Variants in BORCS7 observed in about 807,000 individuals in gnomAD.
BORCS7 encodes the protein BLOC-1-related complex subunit 7.
Under a neutral mutation model 17.5 loss-of-function variants are expected in BORCS7, and 20 were observed. The ratio of observed to expected loss-of-function variants is 1.14; its 90% CI spans 0.80 to 1.66. BORCS7 has a LOEUF of 1.66. Ranked by LOEUF, BORCS7 falls within the 40% of genes most tolerant of loss-of-function variation. The pLI is 0.00. For missense variants in BORCS7, 122 were observed against 129.7 expected (o/e 0.94, Z 0.29); for synonymous variants, 57 against 49.8 (o/e 1.14, Z -0.61).
intron 3 of BORCS7, 105 bp downstream of exon 3, chr10:102,860,646 G>A: frequency 2.4e-6 from 3 of 1,251,912 alleles, no homozygotes; most frequent in South Asian, 1.2e-5. Flanking sequence ...CAGAGTGGGA[G>A]TAAAGGTGGG....
Position 102,860,724 on chromosome 10 carries a change from T to C in BORCS7, c.248+183T>C, listed in dbSNP as rs1844503650. On this transcript the variant is annotated intron_variant, in intron 3 of 4. Transcript: ENST00000339834. ...CTACAGAAGAAGTGGGGGTAAAGGA[T>C]GAGAATCAGGAGCAGAGTCCACCCT... 2 of 652,766 alleles carry C rather than the reference T, an allele frequency of 3.1e-6. 1 individual carries two copies. The highest frequency in any genetic ancestry group is 5.4e-5 in the East Asian group (2 of 36,840). The allele number at this position is 652,766 out of a possible 1,614,324, so 40.4% of individuals were successfully genotyped here. A position where few individuals can be genotyped will look rare whatever the true frequency, so the allele number is the denominator to read the frequency against.
At chr10:102,861,735 A>T (rs1241822448) in intron 3 of BORCS7, among the ~76,000 whole-genome samples, 1 of 152,054 alleles carries the variant, frequency 6.6e-6, no homozygotes, top group East Asian at 1.9e-4. Flanking sequence ...AAACAAAAAA[A>T]CAAAAACAAA....
At chr10:102,854,985 A>G (rs1373781506) in intron 1 of BORCS7, among the ~76,000 whole-genome samples, 1 of 147,396 alleles carries the variant, frequency 6.8e-6, no homozygotes. Context: ...TGTAATATAT[A>G]TTATATATAT....
At chr10:102,862,615 A>G (rs1029961000) in intron 4 of BORCS7, among the ~76,000 whole-genome samples, 1 of 152,176 alleles carries the variant, frequency 6.6e-6, no homozygotes, top group East Asian at 1.9e-4. Context: ...ATAAATTTTG[A>G]TTTACATGCA....
In BORCS7 at chr10:102,862,397, T is replaced by G. The variant is rs966568268; in HGVS notation, c.269+217T>G. ...TATTAATAGTAAAACTTTCTAAAAG[T>G]TATGGGGTATAGAGACCAACCTTAA... On this transcript the variant is annotated intron_variant, in intron 4 of 4. Coordinates refer to ENST00000339834, the MANE Select transcript of BORCS7 (RefSeq NM_001136200.2). Among the ~76,000 whole-genome samples the G allele has an allele frequency of 2.0e-5, 3 of 152,186 alleles. 1 individual carries two copies. The highest frequency in any genetic ancestry group is 1.5e-5 in the Non-Finnish European group (1 of 68,028).
chr10:102,861,322 A>G (rs1383816294), intron 3 of BORCS7, among the ~76,000 whole-genome samples: 1 of 151,772 alleles, frequency 6.6e-6, no homozygotes, highest in Non-Finnish European at 1.5e-5. Context: ...AGGCTGAAGC[A>G]TGAGAATTGC....
At chr10:102,858,863 T>C (rs1484206309) in intron 1 of BORCS7, among the ~76,000 whole-genome samples, 2 of 151,954 alleles carry the variant, frequency 1.3e-5, no homozygotes, top group African/African-American at 4.8e-5. Flanking sequence ...CCCTTTTCAC[T>C]AGAGTCTCCC....
chr10:102,861,244 G>A (rs374013305), intron 3 of BORCS7, among the ~76,000 whole-genome samples: 7 of 151,874 alleles, frequency 4.6e-5, no homozygotes, highest in African/African-American at 9.7e-5. Flanking sequence ...GTGAAACCCC[G>A]TCTCTACTAA....
At chr10:102,861,662 A>T (rs1270543276) in intron 3 of BORCS7, among the ~76,000 whole-genome samples, 2 of 152,044 alleles carry the variant, frequency 1.3e-5, no homozygotes, top group African/African-American at 2.4e-5. Flanking sequence ...AATGGCAGTG[A>T]GCTGAGATCG....
At chr10:102,858,594 G>T (rs1440338868) in intron 1 of BORCS7, among the ~76,000 whole-genome samples, 1 of 152,048 alleles carries the variant, frequency 6.6e-6, no homozygotes, top group Admixed American at 6.5e-5. Context: ...AGGTTGCAGT[G>T]AGCCAAGATC....
rs1005515990 is a variant in BORCS7, at chr10:102,864,177, C to T, written c.*1253C>T. ...ATCTGACATAAGAAAATATTGTTTT[C>T]ACTGCAGGAATAAAGAGGAAGTAAC... On this transcript the variant is annotated 3_prime_UTR_variant, in exon 5 of 5. Coordinates refer to ENST00000339834, the MANE Select transcript of BORCS7 (RefSeq NM_001136200.2). 6.6e-6 allele frequency: 1 copy of T among 152,120 alleles called. No individual in the cohort carries two copies. The highest frequency in any genetic ancestry group is 2.4e-5 in the African/African-American group (1 of 41,428). 9.4% of individuals were successfully genotyped at this position (152,120 alleles called of 1,614,324 possible).
chr10:102,862,735 G>A, intron 4 of BORCS7, 138 bp from the exon 5 acceptor site: 1 of 700,050 alleles, frequency 1.4e-6, no homozygotes, highest in South Asian at 1.8e-5. Context: ...GATTGCTTGA[G>A]CCCAGAGTTT....
chr10:102,863,522 A>G lies in BORCS7; in HGVS notation c.*598A>G, dbSNP rs1014086591. The stretch of plus-strand genomic sequence containing the variant: ...AAATTAAGAGGTCTTAGTTTTTCCT[A>G]TAGAACTTTTAATATGTCAAAAGCT... On this transcript the variant is annotated 3_prime_UTR_variant, in exon 5 of 5. Coordinates refer to ENST00000339834, the MANE Select transcript of BORCS7 (RefSeq NM_001136200.2). The G allele has an allele frequency of 3.9e-5, 6 of 152,172 alleles. No homozygotes were observed. In the East Asian group the frequency reaches 5.8e-4, roughly 15 times the overall value. The allele number at this position is 152,172 out of a possible 1,614,324, so 9.4% of individuals were successfully genotyped here.
intron 1 of BORCS7, among the ~76,000 whole-genome samples, chr10:102,854,903 TAC>T (rs1489319344): frequency 6.8e-6 from 1 of 147,504 alleles, no homozygotes; most frequent in Non-Finnish European, 1.5e-5. Flanking sequence ...ATAATATATA[TAC>T]GTATATATTA....
intron 1 of BORCS7, among the ~76,000 whole-genome samples, chr10:102,858,207 C>CGA (rs148405072): frequency 0.04 from 4,834 of 121,162 alleles, 110 homozygotes; most frequent in Non-Finnish European, 0.055. Flanking sequence ...AGAGAGCGAG[C>CGA]GAGAGAGAGA....
Position 102,860,475 on chromosome 10 carries a change from TTC to T in BORCS7, c.205-13_205-12del, listed in dbSNP as rs539646870. ...CCACAGGGAAGTGGAAATGTTCTATTTCTCTCTCTCTTTTTTATGCAGAGTTT... is the reference window on the plus strand; with the variant it reads ...CCACAGGGAAGTGGAAATGTTCTATTTCTCTCTCTTTTTTATGCAGAGTTT... On this transcript the variant is annotated intron_variant, in intron 2 of 4. Transcript: ENST00000339834. The T allele has an allele frequency of 1.3e-4, 215 of 1,611,376 alleles. 1 individual carries two copies. In the African/African-American group the frequency reaches 2.5e-3, roughly 19 times the overall value.
intron 3 of BORCS7, chr10:102,860,875 T>C: frequency 2.5e-6 from 1 of 398,518 alleles, no homozygotes; most frequent in Non-Finnish European, 4.5e-6. Context: ...TGATCAGTAT[T>C]TGATGACTGA....
At chr10:102,862,801 G>A in intron 4 of BORCS7, 72 bp from the exon 5 acceptor site, 1 of 1,425,328 alleles carries the variant, frequency 7.0e-7, no homozygotes. Context: ...AAAAAAATTT[G>A]TAAATAGTTG....
At chr10:102,861,490 G>T (rs535537700) in intron 3 of BORCS7, among the ~76,000 whole-genome samples, 2 of 151,892 alleles carry the variant, frequency 1.3e-5, no homozygotes, top group East Asian at 3.9e-4. Context: ...GCTGAGGCAG[G>T]TGGATCACCT....
Sources: gnomAD v4.1 joint callset for allele counts (sites outside exome capture counted in the v4.1 genomes callset) on GRCh38, gnomAD v4.1.1 for gene constraint, MANE v1.5 for transcripts, NCBI Gene and HGNC (gene_info 2026-07-23, HGNC 2026-07-21) for gene names.